SYNPR: variants seen among roughly 807,000 people sequenced by gnomAD.
The protein encoded by SYNPR is synaptoporin.
Under a neutral mutation model 32.9 loss-of-function variants are expected in SYNPR, and 23 were observed. That is an observed-to-expected ratio of 0.70 (90% CI 0.50 to 0.99). The LOEUF (loss-of-function observed/expected upper bound fraction) is 0.99. SYNPR is among the 50% of genes least tolerant of loss of function. The pLI, the probability that SYNPR is intolerant of heterozygous loss-of-function variation, is 0.00. For synonymous variants in SYNPR, 146 were observed against 135.9 expected (o/e 1.07, Z -0.52); for missense variants, 318 against 349.3 (o/e 0.91, Z 0.71).
chr3:63,380,804 C>T (rs2087958057), intron 2 of SYNPR, among the ~76,000 whole-genome samples: 1 of 152,178 alleles, frequency 6.6e-6, no homozygotes, highest in East Asian at 1.9e-4. Flanking sequence ...ACAAAAACCA[C>T]ATGATTATCT....
intron 2 of SYNPR, among the ~76,000 whole-genome samples, chr3:63,397,926 A>C (rs2088238343): frequency 6.6e-6 from 1 of 152,236 alleles, no homozygotes; most frequent in South Asian, 2.1e-4. Flanking sequence ...AAATAGCTTT[A>C]GCAAAGAAAT....
At chr3:63,222,790 T>C in the SYNPR span, among the ~76,000 whole-genome samples, 13 of 152,166 alleles carry the variant, frequency 8.5e-5, no homozygotes, top group Non-Finnish European at 1.2e-4. Context: ...GTACTGGGAT[T>C]ACAAGCATGA....
At chr3:63,531,457 C>G (rs756777751) in intron 3 of SYNPR, among the ~76,000 whole-genome samples, 3 of 152,132 alleles carry the variant, frequency 2.0e-5, no homozygotes, top group Admixed American at 6.5e-5. Flanking sequence ...TGATACTCCC[C>G]CTGTGTGTCT....
chr3:63,356,591 T>TC (rs1456164662), intron 2 of SYNPR, among the ~76,000 whole-genome samples: 1 of 152,236 alleles, frequency 6.6e-6, no homozygotes, highest in Non-Finnish European at 1.5e-5. Context: ...GTCAGTGCCC[T>TC]CCTCAGTTCT....
At chr3:63,306,330 C>T (rs2086910514) in intron 2 of SYNPR, among the ~76,000 whole-genome samples, 1 of 151,866 alleles carries the variant, frequency 6.6e-6, no homozygotes, top group East Asian at 1.9e-4. Flanking sequence ...TCTCCATATG[C>T]TCCCTTTCAA....
intron 3 of SYNPR, among the ~76,000 whole-genome samples, chr3:63,522,653 T>G (rs1376857874): frequency 6.6e-6 from 1 of 152,212 alleles, no homozygotes; most frequent in East Asian, 1.9e-4. Context: ...GCTGAAGGAC[T>G]GTCTTAACAG....
chr3:63,536,246 T>G (rs915627438), intron 3 of SYNPR, among the ~76,000 whole-genome samples: 33 of 152,078 alleles, frequency 2.2e-4, no homozygotes, highest in Non-Finnish European at 3.8e-4. Context: ...ACATCCAGAA[T>G]ATATGAAGAA....
intron 2 of SYNPR, among the ~76,000 whole-genome samples, chr3:63,427,132 A>G (rs1444475418): frequency 2.1e-5 from 3 of 142,870 alleles, no homozygotes; most frequent in Non-Finnish European, 3.1e-5. Context: ...ATAAAATGGC[A>G]TGTTCTTTAT....
chr3:63,230,820 A>G (rs765600143), intron 1 of SYNPR, among the ~76,000 whole-genome samples: 3 of 152,182 alleles, frequency 2.0e-5, no homozygotes, highest in Non-Finnish European at 4.4e-5. Flanking sequence ...CAGTCCCTGA[A>G]ACTTATTGGG....
chr3:63,611,438 C>T (rs115041802), intron 5 of SYNPR, among the ~76,000 whole-genome samples: 3,546 of 152,232 alleles, frequency 0.023, 146 homozygotes, highest in African/African-American at 0.082. Context: ...TGAACCAAAA[C>T]ACAATATTTT....
chr3:63,545,459 T>G (rs1345780876), intron 3 of SYNPR: 1 of 152,148 alleles, frequency 6.6e-6, no homozygotes, highest in Non-Finnish European at 1.5e-5. Flanking sequence ...CATACCACCC[T>G]GAACACGCCC....
At chr3:63,276,663 A>G (rs1395848996), upstream of SYNPR, among the ~76,000 whole-genome samples, 1 of 112,318 alleles carries the variant, frequency 8.9e-6, no homozygotes, top group Non-Finnish European at 1.7e-5. Context: ...CTTATTTTTG[A>G]AACAACTGTT....
At chr3:63,405,479 A>T (rs910952179) in intron 2 of SYNPR, among the ~76,000 whole-genome samples, 1 of 152,112 alleles carries the variant, frequency 6.6e-6, no homozygotes, top group Non-Finnish European at 1.5e-5. Context: ...TGGCTGAATC[A>T]TAAAGGATGG....
chr3:63,547,565 T>C (rs1702430156), intron 3 of SYNPR, among the ~76,000 whole-genome samples: 2 of 152,116 alleles, frequency 1.3e-5, no homozygotes, highest in East Asian at 1.9e-4. Context: ...CATGAGCCAG[T>C]GGAGCAATGG....
intron 1 of SYNPR, among the ~76,000 whole-genome samples, chr3:63,237,227 C>T (rs1434733246): frequency 6.6e-6 from 1 of 151,578 alleles, no homozygotes. Flanking sequence ...CCCTGATATT[C>T]TGTTCATATT....
intron 2 of SYNPR, among the ~76,000 whole-genome samples, chr3:63,265,982 G>A (rs972941020): frequency 6.6e-6 from 1 of 152,186 alleles, no homozygotes; most frequent in African/African-American, 2.4e-5. Context: ...TATAGAGCAG[G>A]AAGAGTATTA....
rs959269377 is a variant in SYNPR at position 63,278,374 on chromosome 3, C to T, written c.-160C>T. On this transcript the variant is annotated 5_prime_UTR_variant, in exon 1 of 6. Transcript: ENST00000478300. ...CCCGGAGCGCAGAGCCCAGCGTTAG[C>T]GGGTGGGCTCCCCGAGGCCCCCTGC... is the stretch of plus-strand genomic sequence containing the variant. The T allele has an allele frequency of 1.6e-5, 14 of 868,980 alleles. No homozygotes were observed. The South Asian group carries it at 2.2e-4, about 14-fold the overall frequency. The allele number at this position is 868,980 out of a possible 1,614,324, so 53.8% of individuals were successfully genotyped here.
chr3:63,309,078 G>C (rs999701027), intron 2 of SYNPR, among the ~76,000 whole-genome samples: 1 of 151,730 alleles, frequency 6.6e-6, no homozygotes, highest in Admixed American at 6.6e-5. Flanking sequence ...AGTTTCCTTT[G>C]CTATGTTTTC....
chr3:63,388,153 G>C (rs944235472), intron 2 of SYNPR, among the ~76,000 whole-genome samples: 3 of 152,114 alleles, frequency 2.0e-5, no homozygotes, highest in Non-Finnish European at 2.9e-5. Flanking sequence ...CCGAGGAAGA[G>C]TGAGTGACTT....
Sources: gnomAD v4.1 joint callset for allele counts (sites outside exome capture counted in the v4.1 genomes callset) on GRCh38, gnomAD v4.1.1 for gene constraint, MANE v1.5 for transcripts, NCBI Gene and HGNC (gene_info 2026-07-23, HGNC 2026-07-21) for gene names.